The following PRSS1 variants were observed in gnomAD, a reference collection of about 807,000 sequenced individuals.
The protein encoded by PRSS1 is serine protease 1, also known as TCR V beta 4.1.
PRSS1 carries 22 observed loss-of-function variants against 24.2 expected under a neutral mutation model. The observed-to-expected ratio is 0.91, with a 90% CI of 0.65 to 1.30. The LOEUF is 1.30. Among genes scored for constraint, PRSS1 ranks in the 50% most tolerant of loss-of-function variants. PRSS1 has a pLI of 0.00. For synonymous variants in PRSS1, 126 were observed against 116.1 expected (o/e 1.08, Z -0.55); for missense variants, 366 against 304.2 (o/e 1.20, Z -1.51).
Position 142,753,072 on chromosome 7 carries a change from C to T in PRSS1, c.*52C>T. 1 of 1,592,642 alleles carries T rather than the reference C, an allele frequency of 6.3e-7. No individual in the cohort carries two copies. The highest frequency in any genetic ancestry group is 8.6e-7 in the Non-Finnish European group (1 of 1,160,436). On this transcript the variant is annotated 3_prime_UTR_variant, in exon 5 of 5. Coordinates refer to ENST00000311737, the MANE Select transcript of PRSS1 (RefSeq NM_002769.5). ...TACCAATAAAGTGACCCTGTTCTCA[C>T]TGTCTGTGTCTGTGCCTGCTCCCTC...
At chr7:142,752,820 A>G (rs377695327) in intron 4 of PRSS1, 48 bp from the exon 5 acceptor site, 1 of 1,598,904 alleles carries the variant, frequency 6.3e-7, no homozygotes, top group Non-Finnish European at 8.6e-7. Flanking sequence ...AAATGTAGCT[A>G]TATTCCTCCT....
chr7:142,750,150 A>T (rs1490168394), intron 1 of PRSS1, among the ~76,000 whole-genome samples: 1 of 152,034 alleles, frequency 6.6e-6, no homozygotes, highest in Non-Finnish European at 1.5e-5. Context: ...CTATGCAGAC[A>T]GGGGGTTTTC....
chr7:142,751,682 C>T, intron 2 of PRSS1, 92 bp from the exon 3 acceptor site: 1 of 1,612,388 alleles, frequency 6.2e-7, no homozygotes, highest in Admixed American at 1.7e-5. Context: ...CCAGAGCTGT[C>T]CATGAGCAGA....
rs374643692 is a variant in PRSS1, at chr7:142,752,585, T to A, written c.591+18T>A. 26 of 1,613,984 alleles carry A rather than the reference T, an allele frequency of 1.6e-5. No homozygotes were observed. Among genetic ancestry groups the A allele is most frequent in the Non-Finnish European group, 2.1e-5 (25 of 1,180,004 alleles). Reference sequence around the variant, plus strand: ...CATGTCAGGTGATTTGACCAACCCTTCCCATGCTGAGGCTCCCACTGATAC... The same window carrying A: ...CATGTCAGGTGATTTGACCAACCCTACCCATGCTGAGGCTCCCACTGATAC... On this transcript the variant is annotated intron_variant, in intron 4 of 4. Transcript: ENST00000311737.
At chr7:142,750,444 G>C in intron 1 of PRSS1, 111 bp from the exon 2 acceptor site, 2 of 1,577,786 alleles carry the variant, frequency 1.3e-6, no homozygotes, top group Non-Finnish European at 1.7e-6. Context: ...CCCTTGCCTA[G>C]CCTCACTGTG....
rs149125789 is a variant in PRSS1 at position 142,749,525 on chromosome 7, G to T, written c.40+1G>T. 1 of 1,614,028 alleles carries T rather than the reference G, an allele frequency of 6.2e-7. No individual in the cohort carries two copies. The highest frequency in any genetic ancestry group is 1.7e-5 in the Admixed American group (1 of 60,006). ...ATCCTTACCTTTGTGGCAGCTGCTC[G>T]TGAGTATCATGCCCTGCCTCAGGCC... On this transcript the variant is annotated splice_donor_variant, in intron 1 of 4. Coordinates refer to ENST00000311737, the MANE Select transcript of PRSS1 (RefSeq NM_002769.5). LOFTEE classifies it high-confidence loss of function.
intron 3 of PRSS1, 97 bp downstream of exon 3, chr7:142,752,124 A>G: frequency 7.9e-7 from 1 of 1,260,402 alleles, no homozygotes; most frequent in Non-Finnish European, 1.1e-6. Context: ...TCCAGGCTTA[A>G]GACACATTTC....
At chr7:142,751,191 C>G (rs369844822) in intron 2 of PRSS1, 1 of 675,312 alleles carries the variant, frequency 1.5e-6, no homozygotes, top group African/African-American at 1.8e-5. Context: ...CAAGAACTCT[C>G]AAACCTGAGT....
chr7:142,751,795 AG>A lies in PRSS1; in HGVS notation c.223del (p.Glu75SerfsTer30), dbSNP rs1798757392. ...YKSRIQVRLG[E>X]HNIEVLEGNE... ...TCAGCCGCATCCAGGTGAGACTGGGAGAGCACAACATCGAAGTCCTGGAGGG... is the reference window on the plus strand; with the variant it reads ...TCAGCCGCATCCAGGTGAGACTGGGAAGCACAACATCGAAGTCCTGGAGGG... On this transcript the variant is annotated frameshift_variant, in exon 3 of 5. Transcript: ENST00000311737. LOFTEE classifies it high-confidence loss of function. 1 of 1,614,084 alleles carries A rather than the reference AG, an allele frequency of 6.2e-7. No individual in the cohort carries two copies. Among genetic ancestry groups the A allele is most frequent in the Admixed American group, 1.7e-5 (1 of 60,002 alleles).
At position 142,750,686 on chromosome 7, in the gene PRSS1, G is replaced by C; in HGVS notation, c.172G>C (p.Val58Leu). Reference protein sequence around the residue: ...CGGSLINEQWVVSAGHCYKSR... With the variant: ...CGGSLINEQWLVSAGHCYKSR... Reference sequence around the variant, plus strand: ...TGGCTCCCTCATCAACGAACAGTGGGTGGTATCAGCAGGCCACTGCTACAA... The same window carrying C: ...TGGCTCCCTCATCAACGAACAGTGGCTGGTATCAGCAGGCCACTGCTACAA... Residue 58 changes from valine to leucine, a missense_variant, in exon 2 of 5, where the codon GTG becomes CTG. Val to Leu is a conservative substitution (Grantham distance 32). Coordinates refer to ENST00000311737, the MANE Select transcript of PRSS1 (RefSeq NM_002769.5). 6.2e-7 allele frequency: 1 copy of C among 1,613,940 alleles called. No homozygotes were observed. The highest frequency in any genetic ancestry group is 8.5e-7 in the Non-Finnish European group (1 of 1,179,856).
intron 1 of PRSS1, among the ~76,000 whole-genome samples, chr7:142,750,140 C>G (rs1399023395): frequency 6.6e-6 from 1 of 150,526 alleles, no homozygotes; most frequent in African/African-American, 2.5e-5. Flanking sequence ...ATGGCCAGGT[C>G]TATGCAGACA....
chr7:142,750,535 C>T lies in PRSS1; in HGVS notation c.41-20C>T. The T allele has an allele frequency of 6.2e-7, 1 of 1,614,018 alleles. No homozygotes were observed. ...TAACATGCTATTGACTTGCCTTCTC[C>T]CTTCCCATCTCCACTCCAGTTGCTG... On this transcript the variant is annotated intron_variant, in intron 1 of 4. Coordinates refer to ENST00000311737, the MANE Select transcript of PRSS1 (RefSeq NM_002769.5).
chr7:142,752,713 G>T, intron 4 of PRSS1, 146 bp downstream of exon 4: 5 of 1,502,340 alleles, frequency 3.3e-6, no homozygotes, highest in Non-Finnish European at 3.7e-6. Flanking sequence ...CCCTTGGGCT[G>T]CATCTTGTCT....
rs565084293 is a variant in PRSS1, at chr7:142,751,509, TG to T, written c.201-261del. ...ACTGTGGAGATTGTGGGAAAGAGTC[TG>T]GGGAGGCAGGTTGAGGAGCAGCCTC... On this transcript the variant is annotated intron_variant, in intron 2 of 4. Coordinates refer to ENST00000311737, the MANE Select transcript of PRSS1 (RefSeq NM_002769.5). The T allele has an allele frequency of 6.7e-4, 409 of 614,892 alleles. No individual in the cohort carries two copies. The African/African-American group carries it at 6.7e-3, about 10-fold the overall frequency. The allele number at this position is 614,892 out of a possible 1,614,324, so 38.1% of individuals were successfully genotyped here.
At chr7:142,751,070 G>A (rs1245153564) in intron 2 of PRSS1, 41 of 702,854 alleles carry the variant, frequency 5.8e-5, no homozygotes, top group Admixed American at 4.8e-4. Context: ...CTATCCCAGG[G>A]CAATTAAGTC....
In PRSS1 at chr7:142,750,565, C is replaced by A. The variant is rs745538166; in HGVS notation, c.51C>A (p.Pro17=). Residue 17 remains proline, a synonymous_variant, in exon 2 of 5, where the codon CCC becomes CCA. Coordinates refer to ENST00000311737, the MANE Select transcript of PRSS1 (RefSeq NM_002769.5). ...CCATCTCCACTCCAGTTGCTGCCCCCTTTGATGATGATGACAAGATCGTTG... is the reference window on the plus strand; with the variant it reads ...CCATCTCCACTCCAGTTGCTGCCCCATTTGATGATGATGACAAGATCGTTG... ...LTFVAAALAA[P]FDDDDKIVGG... The A allele has an allele frequency of 1.9e-6, 3 of 1,614,046 alleles. No homozygotes were observed. Among genetic ancestry groups the A allele is most frequent in the Non-Finnish European group, 2.5e-6 (3 of 1,179,870 alleles).
chr7:142,751,516 G>C, intron 2 of PRSS1: 1 of 622,166 alleles, frequency 1.6e-6, no homozygotes, highest in Non-Finnish European at 2.8e-6. Flanking sequence ...GTCTGGGGAG[G>C]CAGGTTGAGG....
rs375342697 is a variant in PRSS1 at position 142,752,864 on chromosome 7, C to T, written c.592-4C>T. ...CCATACAACTTGTCCCTTCTTCCCC[C>T]CAGGGTGATTCTGGTGGCCCTGTGG... is the stretch of plus-strand genomic sequence containing the variant. On this transcript the variant is annotated splice_region_variant and splice_polypyrimidine_tract_variant and intron_variant, in intron 4 of 4. Transcript: ENST00000311737. 18 of 1,613,826 alleles carry T rather than the reference C, an allele frequency of 1.1e-5. No homozygotes were observed. The highest frequency in any genetic ancestry group is 1.1e-5 in the South Asian group (1 of 91,068).
chr7:142,751,932 A>G lies in PRSS1; in HGVS notation c.359A>G (p.Asn120Ser). Reference protein sequence around the residue: ...LIKLSSRAVINARVSTISLPT... With the variant: ...LIKLSSRAVISARVSTISLPT... ...AAGCTCTCCTCACGTGCAGTAATCA[A>G]CGCCCGCGTGTCCACCATCTCTCTG... Residue 120 changes from asparagine (N) to serine (S), a missense_variant, in exon 3 of 5, where the codon AAC becomes AGC. Asn to Ser is a conservative substitution (Grantham distance 46, BLOSUM62 1). Transcript: ENST00000311737. 7 of 1,613,852 alleles carry G rather than the reference A, an allele frequency of 4.3e-6. No individual in the cohort carries two copies. The highest frequency in any genetic ancestry group is 5.9e-6 in the Non-Finnish European group (7 of 1,179,952).
Sources: allele counts gnomAD v4.1 joint callset (sites outside exome capture counted in the v4.1 genomes callset), GRCh38; gene constraint gnomAD v4.1.1; transcripts MANE v1.5; gene names NCBI Gene and HGNC (gene_info 2026-07-23, HGNC 2026-07-21).